NACC2: variants seen among roughly 807,000 people sequenced by gnomAD.
The protein encoded by NACC2 is NACC family member 2, also known as nucleus accumbens-associated protein 2.
A neutral mutation model predicts 25.1 loss-of-function variants in NACC2; 8 were observed. The ratio of observed to expected loss-of-function variants is 0.32; its 90% CI spans 0.19 to 0.57. The LOEUF is 0.57. Among genes scored for constraint, NACC2 ranks in the 20% least tolerant of loss-of-function variants. The pLI is 0.89. For synonymous variants in NACC2, 435 were observed against 294.7 expected, an observed-to-expected ratio of 1.48 and a Z score of -4.88; for missense variants, 644 against 650.2, an observed-to-expected ratio of 0.99 and a Z score of 0.10.
rs1840066670 is a variant in NACC2 at position 136,009,144 on chromosome 9, G to A, written c.*2372C>T. On this transcript the variant is annotated 3_prime_UTR_variant, in exon 6 of 6. Coordinates refer to ENST00000277554, the MANE Select transcript of NACC2 (RefSeq NM_144653.5). ...TGTCAGCAGCCAGGCCCCCAGGGAT[G>A]GTCAAATTAAAGTGCAAATTTGGGT... 1 of 152,278 alleles carries A rather than the reference G, an allele frequency of 6.6e-6. No homozygotes were observed. Among genetic ancestry groups the A allele is most frequent in the Non-Finnish European group, 1.5e-5 (1 of 68,102 alleles). 9.4% of individuals were successfully genotyped at this position (152,278 alleles called of 1,614,324 possible).
At chr9:136,037,556 G>A (rs1588566273) in intron 2 of NACC2, among the ~76,000 whole-genome samples, 1 of 148,648 alleles carries the variant, frequency 6.7e-6, no homozygotes, top group Admixed American at 6.8e-5. Context: ...CACTCAGGCT[G>A]GAGTACAGTG....
chr9:136,031,133 C>T (rs1401048909), intron 2 of NACC2, among the ~76,000 whole-genome samples: 1 of 152,170 alleles, frequency 6.6e-6, no homozygotes, highest in Non-Finnish European at 1.5e-5. Flanking sequence ...TTGCCTATGA[C>T]ATTTTTTCAA....
intron 2 of NACC2, among the ~76,000 whole-genome samples, chr9:136,042,428 T>C (rs999328105): frequency 5.3e-5 from 8 of 151,368 alleles, no homozygotes; most frequent in African/African-American, 1.5e-4. Flanking sequence ...AATCCAGAAA[T>C]AGGCCTGCAG....
At chr9:136,015,726 C>T (rs1200004986) in intron 3 of NACC2, among the ~76,000 whole-genome samples, 2 of 152,212 alleles carry the variant, frequency 1.3e-5, no homozygotes, top group East Asian at 3.8e-4. Flanking sequence ...ATGCCCATGG[C>T]GTGGGTCAGA....
intron 1 of NACC2, among the ~76,000 whole-genome samples, chr9:136,057,157 G>C (rs2131168007): frequency 6.6e-6 from 1 of 152,356 alleles, no homozygotes. Context: ...CGGGGGTCTG[G>C]TCCAGGGGCC....
At chr9:136,014,149 A>G (rs1315589156) in intron 3 of NACC2, among the ~76,000 whole-genome samples, 180 bp from the exon 4 acceptor site, 1 of 152,072 alleles carries the variant, frequency 6.6e-6, no homozygotes, top group East Asian at 1.9e-4. Flanking sequence ...AGGAGAGGCC[A>G]TGGCCAAGGC....
chr9:136,029,577 C>T (rs1042751392), intron 2 of NACC2, among the ~76,000 whole-genome samples: 9 of 152,214 alleles, frequency 5.9e-5, no homozygotes, highest in East Asian at 3.9e-4. Flanking sequence ...TGCAGCCCTT[C>T]GGGGATCCCA....
chr9:136,046,735 G>A (rs1008731680), intron 2 of NACC2, among the ~76,000 whole-genome samples: 2 of 152,192 alleles, frequency 1.3e-5, no homozygotes, highest in Non-Finnish European at 2.9e-5. Flanking sequence ...CAAACGTGGC[G>A]GCTCCTTCTG....
intron 2 of NACC2, among the ~76,000 whole-genome samples, chr9:136,036,633 G>A (rs1840558569): frequency 6.6e-6 from 1 of 152,006 alleles, no homozygotes; most frequent in African/African-American, 2.4e-5. Context: ...CAGGAATGAG[G>A]GGAGAAATGG....
In NACC2 at chr9:136,049,874, G is replaced by C. The variant is rs1327548366; in HGVS notation, c.648C>G (p.Leu216=). Residue 216 remains leucine (L), a synonymous_variant, in exon 2 of 6, where the codon CTC becomes CTG. Transcript: ENST00000277554. ...GAAVAAGTAP[L]KLPRVSYYGV... is the part of the protein sequence containing the mutation. ...CGTAGTAGGAGACACGGGGCAGTTT[G>C]AGAGGGGCTGTGCCCGCCGCCACCG... is the stretch of plus-strand genomic sequence containing the variant. 1 of 631,216 alleles carries C rather than the reference G, an allele frequency of 1.6e-6. No homozygotes were observed. Among genetic ancestry groups the C allele is most frequent in the Non-Finnish European group, 2.9e-6 (1 of 343,072 alleles). The allele number at this position is 631,216 out of a possible 1,614,324, so 39.1% of individuals were successfully genotyped here.
chr9:136,032,967 G>A (rs896805395), intron 2 of NACC2, among the ~76,000 whole-genome samples: 4 of 151,094 alleles, frequency 2.6e-5, no homozygotes, highest in African/African-American at 9.8e-5. Flanking sequence ...GCAGTGAGCC[G>A]AGATCACACC....
chr9:136,023,971 G>T (rs965598735), intron 2 of NACC2, among the ~76,000 whole-genome samples: 1 of 152,230 alleles, frequency 6.6e-6, no homozygotes, highest in Non-Finnish European at 1.5e-5. Context: ...CCACACACAC[G>T]TGCACATGCG....
intron 1 of NACC2, among the ~76,000 whole-genome samples, chr9:136,090,792 C>A (rs1392141492): frequency 6.6e-6 from 1 of 152,178 alleles, no homozygotes; most frequent in Non-Finnish European, 1.5e-5. Flanking sequence ...CAGCCCAGGG[C>A]CGGGCTGCCC....
intron 5 of NACC2, among the ~76,000 whole-genome samples, chr9:136,012,997 C>T (rs1840135361): frequency 6.6e-6 from 1 of 152,246 alleles, no homozygotes; most frequent in Non-Finnish European, 1.5e-5. Flanking sequence ...TGGAAACCTA[C>T]CAAGAACGTT....
chr9:136,064,222 G>A (rs147884279), intron 1 of NACC2, among the ~76,000 whole-genome samples: 226 of 152,252 alleles, frequency 1.5e-3, no homozygotes, highest in South Asian at 3.7e-3. Flanking sequence ...CCAGGCGATC[G>A]AGGCTGCAGT....
At chr9:136,057,266 CCTTCA>C (rs1205052961) in intron 1 of NACC2, among the ~76,000 whole-genome samples, 2 of 152,238 alleles carry the variant, frequency 1.3e-5, no homozygotes, top group African/African-American at 4.8e-5. Flanking sequence ...TCATCTCTAA[CCTTCA>C]CTTGCAGAAT....
intron 1 of NACC2, among the ~76,000 whole-genome samples, chr9:136,067,130 T>C (rs1191175050): frequency 6.6e-6 from 1 of 152,042 alleles, no homozygotes; most frequent in Non-Finnish European, 1.5e-5. Context: ...GGTTCATGCC[T>C]GTAATCCCGG....
intron 2 of NACC2, among the ~76,000 whole-genome samples, chr9:136,033,648 CAA>C (rs558163152): frequency 4.2e-5 from 3 of 71,200 alleles, no homozygotes; most frequent in Middle Eastern, 6.8e-3. Context: ...GACTCTGTCT[CAA>C]AAAAAAAAAA....
intron 2 of NACC2, among the ~76,000 whole-genome samples, chr9:136,035,276 C>T (rs1840534422): frequency 6.6e-6 from 1 of 151,946 alleles, no homozygotes; most frequent in African/African-American, 2.4e-5. Context: ...CTGCACCAAA[C>T]CATCAAAGGA....
Sources: gnomAD v4.1 joint callset for allele counts (sites outside exome capture counted in the v4.1 genomes callset) on GRCh38, gnomAD v4.1.1 for gene constraint, MANE v1.5 for transcripts, NCBI Gene and HGNC (gene_info 2026-07-23, HGNC 2026-07-21) for gene names.